NCALD: variants seen among roughly 807,000 people sequenced by gnomAD.
NCALD encodes the protein neurocalcin delta, also known as neurocalcin-delta.
NCALD carries 10 observed loss-of-function variants against 18.6 expected under a neutral mutation model. The observed-to-expected ratio is 0.54, with a 90% CI of 0.33 to 0.91. The LOEUF (loss-of-function observed/expected upper bound fraction) is 0.91, where lower values mean the gene tolerates loss of function less well. NCALD is among the 40% of genes least tolerant of loss of function. The pLI, the probability that NCALD is intolerant of heterozygous loss-of-function variation, is 0.03. For synonymous variants in NCALD, 88 were observed against 87.4 expected (o/e 1.01, Z -0.04); for missense variants, 184 against 247.6 (o/e 0.74, Z 1.72).
chr8:101,801,982 T>C lies in NCALD; in HGVS notation c.-19-82334A>G, dbSNP rs557706207. Among the ~76,000 whole-genome samples, 8 of 152,240 alleles carry C rather than the reference T, an allele frequency of 5.3e-5. No individual in the cohort carries two copies. The South Asian group carries it at 1.7e-3, about 32-fold the overall frequency. ...CGCCCGGCCAGCATACTTCCTCTTA[T>C]TGTGCTTTGCTTTACTGTGCTTCAC... On this transcript the variant is annotated intron_variant, in intron 4 of 6. Transcript: ENST00000311028.
chr8:102,018,829 C>T (rs1413615566), intron 2 of NCALD, among the ~76,000 whole-genome samples: 1 of 152,112 alleles, frequency 6.6e-6, no homozygotes, highest in Non-Finnish European at 1.5e-5. Context: ...AAAAAATTAA[C>T]TTTGACCTTG....
At chr8:101,836,658 T>C (rs564469230) in intron 4 of NCALD, among the ~76,000 whole-genome samples, 1 of 152,340 alleles carries the variant, frequency 6.6e-6, no homozygotes, top group Admixed American at 6.5e-5. Flanking sequence ...ATAAAGATGA[T>C]CACTCATTTC....
chr8:101,799,327 G>A (rs1218798838), intron 4 of NCALD, among the ~76,000 whole-genome samples: 2 of 152,178 alleles, frequency 1.3e-5, no homozygotes, highest in Non-Finnish European at 2.9e-5. Context: ...TTCATTGCTG[G>A]TGGGAATGTA....
At position 101,882,585 on chromosome 8, in the gene NCALD, A is replaced by C. The variant is rs560514335; in HGVS notation, c.-20+4556T>G. Reference sequence around the variant, plus strand: ...AGCAGCCGAAGCAGACTAAGACAGCATATGTAGAAATAATCACTTTGATTC... The same window carrying C: ...AGCAGCCGAAGCAGACTAAGACAGCCTATGTAGAAATAATCACTTTGATTC... On this transcript the variant is annotated intron_variant, in intron 4 of 6. Transcript: ENST00000311028. Among the ~76,000 whole-genome samples the C allele has an allele frequency of 4.6e-5, 7 of 152,358 alleles. 1 individual carries two copies. The Middle Eastern group carries it at 0.01, about 222-fold the overall frequency.
intron 2 of NCALD, among the ~76,000 whole-genome samples, chr8:101,977,271 T>A (rs1215182155): frequency 1.3e-5 from 2 of 152,132 alleles, no homozygotes; most frequent in Non-Finnish European, 2.9e-5. Flanking sequence ...TTATTACATG[T>A]GTTTTCGCAC....
chr8:102,044,156 A>T (rs1469611229), intron 1 of NCALD, among the ~76,000 whole-genome samples: 1 of 152,018 alleles, frequency 6.6e-6, no homozygotes. Flanking sequence ...TATTATTTTT[A>T]AAAAGTTCTT....
At chr8:101,719,136 T>A (rs10108888) in intron 2 of NCALD, 116 bp downstream of exon 2, 138,794 of 1,246,148 alleles carry the variant, frequency 0.11, 8,295 homozygotes, top group Middle Eastern at 0.18. Context: ...GTGGGCCAAA[T>A]GAAGTGTCCT....
Position 101,797,927 on chromosome 8 carries a change from AT to A in NCALD, c.-19-78280del, listed in dbSNP as rs372873903. On this transcript the variant is annotated intron_variant, in intron 4 of 6. Coordinates refer to the NCALD transcript ENST00000311028. ...GAGACCCATGGGACTATAAAAAAAA[AT>A]CTTTTATGTCTTCAAAGTCCTAGAA... Among the ~76,000 whole-genome samples, 349 of 152,284 alleles carry A rather than the reference AT, an allele frequency of 2.3e-3. 4 individuals are homozygous for A. Among genetic ancestry groups the A allele is most frequent in the African/African-American group, 7.9e-3 (330 of 41,562 alleles).
intron 1 of NCALD, among the ~76,000 whole-genome samples, chr8:102,079,199 C>T (rs1209251897): frequency 2.6e-5 from 4 of 152,202 alleles, no homozygotes; most frequent in African/African-American, 9.6e-5. Flanking sequence ...CAGCTAGCTT[C>T]AGTGAGCTTT....
chr8:101,973,106 A>G (rs1820301649), intron 2 of NCALD, among the ~76,000 whole-genome samples: 1 of 152,162 alleles, frequency 6.6e-6, no homozygotes, highest in Non-Finnish European at 1.5e-5. Context: ...CACTCTAACA[A>G]GGAAAGCAAG....
chr8:101,745,613 G>A (rs1286593262), intron 1 of NCALD, among the ~76,000 whole-genome samples: 2 of 152,126 alleles, frequency 1.3e-5, no homozygotes, highest in African/African-American at 4.8e-5. Context: ...CAGTGAGTGG[G>A]CCCTGCTTCC....
chr8:101,744,732 G>A (rs1810355677), intron 1 of NCALD, among the ~76,000 whole-genome samples: 5 of 152,108 alleles, frequency 3.3e-5, no homozygotes, highest in Admixed American at 3.3e-4. Context: ...TGTTACAGCA[G>A]TGCTGCTTGG....
chr8:101,765,109 T>C (rs189292992), intron 1 of NCALD, among the ~76,000 whole-genome samples: 1 of 152,296 alleles, frequency 6.6e-6, no homozygotes, highest in Non-Finnish European at 1.5e-5. Flanking sequence ...CCCCAACCTT[T>C]AGGAACAAGA....
intron 2 of NCALD, among the ~76,000 whole-genome samples, chr8:101,959,796 T>C (rs1182969083): frequency 6.6e-6 from 1 of 152,188 alleles, no homozygotes; most frequent in Non-Finnish European, 1.5e-5. Context: ...AAATGGTATT[T>C]AGGAACCAAC....
intron 2 of NCALD, among the ~76,000 whole-genome samples, chr8:101,712,219 A>T (rs1019426321): frequency 6.6e-6 from 1 of 152,188 alleles, no homozygotes; most frequent in Admixed American, 6.5e-5. Flanking sequence ...ATGCTAAGGG[A>T]TTTTGTCACC....
intron 3 of NCALD, among the ~76,000 whole-genome samples, chr8:101,690,013 A>G (rs1645292373): frequency 6.6e-6 from 1 of 152,140 alleles, no homozygotes; most frequent in South Asian, 2.1e-4. Flanking sequence ...GGGTATGTTC[A>G]AGGCAGAGGG....
intron 1 of NCALD, among the ~76,000 whole-genome samples, chr8:101,772,802 C>G (rs1314288311): frequency 6.6e-6 from 1 of 152,152 alleles, no homozygotes; most frequent in Non-Finnish European, 1.5e-5. Context: ...TCTGGGACAA[C>G]ATTTGGTTCA....
intron 2 of NCALD, among the ~76,000 whole-genome samples, chr8:101,929,516 AG>A (rs1358368466): frequency 3.3e-5 from 1 of 30,502 alleles, no homozygotes; most frequent in Non-Finnish European, 6.3e-5. Context: ...GGAAGGAGGG[AG>A]GGGGGAGGGA....
intron 2 of NCALD, among the ~76,000 whole-genome samples, chr8:101,982,875 T>C (rs1437883081): frequency 6.6e-6 from 1 of 151,820 alleles, no homozygotes; most frequent in Admixed American, 6.6e-5. Context: ...ACCATTGTCA[T>C]GTAACATATG....
Sources: allele counts gnomAD v4.1 joint callset (sites outside exome capture counted in the v4.1 genomes callset), GRCh38; gene constraint gnomAD v4.1.1; transcripts MANE v1.5; gene names NCBI Gene and HGNC (gene_info 2026-07-23, HGNC 2026-07-21).